The following PIK3C2G variants were observed in gnomAD, a reference collection of about 807,000 sequenced individuals.
PIK3C2G encodes the protein phosphatidylinositol-4-phosphate 3-kinase catalytic subunit type 2 gamma.
PIK3C2G carries 168 observed loss-of-function variants against 181.1 expected under a neutral mutation model. The observed-to-expected ratio is 0.93, with a 90% CI of 0.82 to 1.05. The LOEUF is 1.05. Among genes scored for constraint, PIK3C2G ranks in the 50% least tolerant of loss-of-function variants. PIK3C2G has a pLI of 0.00. For synonymous variants in PIK3C2G, 573 were observed against 592.2 expected (o/e 0.97, Z 0.47); for missense variants, 1,869 against 1,732.8 (o/e 1.08, Z -1.40).
At chr12:18,277,663 C>A (rs1308871902) in intron 1 of PIK3C2G, among the ~76,000 whole-genome samples, 1 of 152,122 alleles carries the variant, frequency 6.6e-6, no homozygotes, top group Non-Finnish European at 1.5e-5. Context: ...GGATCAAGAA[C>A]AAACATTCTC....
rs746893214 is a variant in PIK3C2G, at chr12:18,446,284, T to G, written c.2504+22245T>G. Among the ~76,000 whole-genome samples the G allele has an allele frequency of 1.6e-4, 24 of 152,112 alleles. 1 individual carries two copies. The highest frequency in any genetic ancestry group is 2.5e-4 in the Non-Finnish European group (17 of 68,020). On this transcript the variant is annotated intron_variant, in intron 18 of 32. Coordinates refer to ENST00000538779, the MANE Select transcript of PIK3C2G (RefSeq NM_001288772.2). Reference sequence around the variant, plus strand: ...CCTGCCCCTGCCCTGGAGGTTCACCTCCGTGGACAACATTCAGAGTCTCTC... The same window carrying G: ...CCTGCCCCTGCCCTGGAGGTTCACCGCCGTGGACAACATTCAGAGTCTCTC...
the PIK3C2G span, among the ~76,000 whole-genome samples, chr12:18,686,566 A>G: frequency 6.6e-6 from 1 of 152,048 alleles, no homozygotes; most frequent in East Asian, 1.9e-4. Context: ...TAAGACTTAT[A>G]TTATGGCTTC....
chr12:18,253,255 A>AT (rs1308594112), intron 1 of PIK3C2G, among the ~76,000 whole-genome samples: 1 of 136,990 alleles, frequency 7.3e-6, no homozygotes, highest in Non-Finnish European at 1.6e-5. Context: ...GAATAAAGAA[A>AT]TAAATAAGTC....
intron 16 of PIK3C2G, 144 bp from the exon 17 acceptor site, chr12:18,420,797 G>T (rs1945438177): frequency 1.9e-6 from 1 of 532,028 alleles, no homozygotes; most frequent in Non-Finnish European, 3.4e-6. Flanking sequence ...GAATTATTTG[G>T]TGCTAATATT....
the PIK3C2G span, among the ~76,000 whole-genome samples, chr12:18,725,764 T>C: frequency 6.6e-6 from 1 of 152,100 alleles, no homozygotes; most frequent in African/African-American, 2.4e-5. Flanking sequence ...GGTACCTATG[T>C]TTCTCGTTGT....
At chr12:18,690,045 G>A in the PIK3C2G span, among the ~76,000 whole-genome samples, 1 of 152,106 alleles carries the variant, frequency 6.6e-6, no homozygotes, top group Non-Finnish European at 1.5e-5. Flanking sequence ...GTGAGCATTT[G>A]TGCACACTAG....
chr12:18,554,024 T>C (rs1944872367), intron 26 of PIK3C2G, among the ~76,000 whole-genome samples: 1 of 152,120 alleles, frequency 6.6e-6, no homozygotes, highest in Non-Finnish European at 1.5e-5. Flanking sequence ...TTGAGTCTCC[T>C]GAAGTCATTC....
intron 15 of PIK3C2G, among the ~76,000 whole-genome samples, chr12:18,391,628 A>G (rs1007073624): frequency 6.6e-6 from 1 of 152,170 alleles, no homozygotes; most frequent in East Asian, 1.9e-4. Context: ...ATTAAGGCAG[A>G]TTTTTAAAAA....
chr12:18,400,451 G>A (rs1944183948), intron 16 of PIK3C2G, among the ~76,000 whole-genome samples: 1 of 152,096 alleles, frequency 6.6e-6, no homozygotes, highest in African/African-American at 2.4e-5. Context: ...TATATTCAAA[G>A]CCAAGAAAAG....
At chr12:18,499,011 A>G (rs746911851) in intron 22 of PIK3C2G, among the ~76,000 whole-genome samples, 43 of 152,212 alleles carry the variant, frequency 2.8e-4, no homozygotes, top group Non-Finnish European at 5.7e-4. Context: ...TGTTACATGA[A>G]TCACCTTTTC....
At chr12:18,531,025 CA>C (rs1943526695) in intron 24 of PIK3C2G, among the ~76,000 whole-genome samples, 2 of 152,128 alleles carry the variant, frequency 1.3e-5, no homozygotes, top group Non-Finnish European at 2.9e-5. Flanking sequence ...CTGCAAATTT[CA>C]ACAATGTTAA....
chr12:18,244,820 G>C (rs1228196126), upstream of PIK3C2G, among the ~76,000 whole-genome samples: 1 of 152,032 alleles, frequency 6.6e-6, no homozygotes, highest in African/African-American at 2.4e-5. Context: ...TATGGAGTTA[G>C]CATAGATTAT....
intron 18 of PIK3C2G, among the ~76,000 whole-genome samples, chr12:18,425,661 A>AAGG (rs1482587109): frequency 2.6e-5 from 4 of 152,118 alleles, no homozygotes; most frequent in Non-Finnish European, 5.9e-5. Flanking sequence ...AAGTGCTGGG[A>AAGG]TTACAGGTGT....
At chr12:18,620,565 GATA>G (rs1374657283) in intron 31 of PIK3C2G, among the ~76,000 whole-genome samples, 1 of 150,338 alleles carries the variant, frequency 6.7e-6, no homozygotes, top group Admixed American at 6.6e-5. Flanking sequence ...TAGATAGATA[GATA>G]GGTAACCATA....
chr12:18,322,613 T>A (rs992582693), intron 7 of PIK3C2G, among the ~76,000 whole-genome samples: 3 of 152,120 alleles, frequency 2.0e-5, no homozygotes, highest in Non-Finnish European at 4.4e-5. Context: ...GCTAAATAAT[T>A]CACCTAAGGC....
intron 14 of PIK3C2G, 35 bp from the exon 15 acceptor site, chr12:18,391,087 C>A: frequency 6.4e-7 from 1 of 1,556,986 alleles, no homozygotes; most frequent in Non-Finnish European, 8.7e-7. Context: ...TTTGAGACAC[C>A]TTCAACACAT....
At chr12:18,549,722 A>T (rs1055014873) in intron 26 of PIK3C2G, among the ~76,000 whole-genome samples, 36 of 152,022 alleles carry the variant, frequency 2.4e-4, no homozygotes, top group Admixed American at 2.0e-4. Flanking sequence ...TTTATCCGGA[A>T]TACCTCAAGC....
chr12:18,560,042 A>C (rs1945267462), intron 26 of PIK3C2G, among the ~76,000 whole-genome samples: 1 of 151,100 alleles, frequency 6.6e-6, no homozygotes, highest in Non-Finnish European at 1.5e-5. Flanking sequence ...ATGGGGTTTC[A>C]CTGGTCTCAA....
downstream of PIK3C2G, among the ~76,000 whole-genome samples, chr12:18,650,688 GTGTGTGTGTGTGTGTGTATATATCTATA>G (rs1950419562): frequency 8.9e-4 from 36 of 40,234 alleles, no homozygotes; most frequent in East Asian, 2.3e-3. Context: ...GTGTGTGTGT[GTGTGTGTGTGTGTGTGTATATATCTATA>G]TATATATATA....
Sources: gnomAD v4.1 joint callset for allele counts (sites outside exome capture counted in the v4.1 genomes callset) on GRCh38, gnomAD v4.1.1 for gene constraint, MANE v1.5 for transcripts, NCBI Gene and HGNC (gene_info 2026-07-23, HGNC 2026-07-21) for gene names.